Variants in KCNH5 observed in about 807,000 individuals in gnomAD.
The protein encoded by KCNH5 is potassium voltage-gated channel subfamily H member 5, also known as voltage-gated delayed rectifier potassium channel KCNH5.
Under a neutral mutation model 96.1 loss-of-function variants are expected in KCNH5, and 46 were observed. That is an observed-to-expected ratio of 0.48 (90% CI 0.38 to 0.61). The LOEUF is 0.61. KCNH5 is among the 20% of genes least tolerant of loss of function. The pLI, the probability that KCNH5 is intolerant of heterozygous loss-of-function variation, is 0.00. For synonymous variants in KCNH5, 439 were observed against 449.8 expected, an observed-to-expected ratio of 0.98 and a Z score of 0.30; for missense variants, 907 against 1,225.8, an observed-to-expected ratio of 0.74 and a Z score of 3.88.
intron 4 of KCNH5, among the ~76,000 whole-genome samples, chr14:62,994,864 T>C (rs575717866): frequency 6.6e-6 from 1 of 152,242 alleles, no homozygotes; most frequent in South Asian, 2.1e-4. Flanking sequence ...GAATATAAAA[T>C]TCTTGGCATA....
intron 8 of KCNH5, among the ~76,000 whole-genome samples, chr14:62,844,175 CAT>C (rs1220106721): frequency 2.0e-5 from 3 of 151,346 alleles, no homozygotes; most frequent in Non-Finnish European, 2.9e-5. Flanking sequence ...TATTATAAAA[CAT>C]ATGAAACAAA....
intron 10 of KCNH5, among the ~76,000 whole-genome samples, chr14:62,774,989 A>G (rs1886066187): frequency 6.6e-6 from 1 of 152,220 alleles, no homozygotes; most frequent in Non-Finnish European, 1.5e-5. Context: ...AAATCCTATC[A>G]AAATATTTTC....
chr14:62,946,744 A>C (rs892778787), intron 7 of KCNH5, among the ~76,000 whole-genome samples: 2 of 152,198 alleles, frequency 1.3e-5, no homozygotes, highest in African/African-American at 4.8e-5. Flanking sequence ...AGCAATAAAA[A>C]AGAACAAATT....
chr14:62,712,498 C>A, intron 10 of KCNH5: 1 of 623,306 alleles, frequency 1.6e-6, no homozygotes, highest in Non-Finnish European at 2.9e-6. Flanking sequence ...AAGTGGTTTC[C>A]CTTAGGTCAC....
chr14:63,042,733 A>G (rs917588840), intron 1 of KCNH5, among the ~76,000 whole-genome samples: 2 of 152,206 alleles, frequency 1.3e-5, no homozygotes, highest in East Asian at 1.9e-4. Context: ...CTGCCAAATC[A>G]TATAGAAATG....
At chr14:62,863,503 C>A (rs1196198475) in intron 7 of KCNH5, among the ~76,000 whole-genome samples, 2 of 152,090 alleles carry the variant, frequency 1.3e-5, no homozygotes. Flanking sequence ...TGAAACCTGG[C>A]AGTTTATGAA....
chr14:62,719,455 G>A (rs920857586), intron 10 of KCNH5, among the ~76,000 whole-genome samples: 1 of 152,218 alleles, frequency 6.6e-6, no homozygotes, highest in Non-Finnish European at 1.5e-5. Flanking sequence ...AACTTCAGCC[G>A]AATTAAATTG....
chr14:62,922,640 G>A (rs1482248844), intron 7 of KCNH5, among the ~76,000 whole-genome samples: 1 of 151,876 alleles, frequency 6.6e-6, no homozygotes, highest in Non-Finnish European at 1.5e-5. Context: ...AGGATGCCAG[G>A]ATGGTTCAAC....
At chr14:62,800,461 A>C (rs955000704) in intron 9 of KCNH5, among the ~76,000 whole-genome samples, 2 of 152,168 alleles carry the variant, frequency 1.3e-5, no homozygotes, top group African/African-American at 4.8e-5. Context: ...CACTGTACCC[A>C]GGACTTTCTC....
chr14:62,754,981 T>A (rs1224356251), intron 10 of KCNH5, among the ~76,000 whole-genome samples: 1 of 94,784 alleles, frequency 1.1e-5, no homozygotes, highest in Non-Finnish European at 2.5e-5. Flanking sequence ...AAAGAAGGTT[T>A]ATAAGTGCCT....
intron 7 of KCNH5, among the ~76,000 whole-genome samples, chr14:62,853,494 A>ATATATATATATAT (rs375695583): frequency 2.0e-5 from 2 of 102,070 alleles, no homozygotes; most frequent in Non-Finnish European, 4.2e-5. Flanking sequence ...ATATATATAT[A>ATATATATATATAT]ATCTTGGCCA....
chr14:62,721,495 A>ACTCT (rs1481680232), intron 10 of KCNH5, among the ~76,000 whole-genome samples: 1 of 60,424 alleles, frequency 1.7e-5, no homozygotes, highest in East Asian at 5.9e-4. Flanking sequence ...TCTCTCACTC[A>ACTCT]CTCGCTCTCT....
At chr14:63,004,476 G>C (rs2139595584) in intron 3 of KCNH5, among the ~76,000 whole-genome samples, 1 of 152,288 alleles carries the variant, frequency 6.6e-6, no homozygotes, top group East Asian at 1.9e-4. Flanking sequence ...ACAATGATCA[G>C]ATAATAATTT....
chr14:62,820,800 T>A (rs575186432), intron 8 of KCNH5, among the ~76,000 whole-genome samples: 1 of 152,306 alleles, frequency 6.6e-6, no homozygotes, highest in South Asian at 2.1e-4. Context: ...AATGAACATA[T>A]ACATGCATGT....
chr14:62,968,460 A>T (rs923685040), intron 6 of KCNH5, among the ~76,000 whole-genome samples: 1 of 152,154 alleles, frequency 6.6e-6, no homozygotes, highest in Non-Finnish European at 1.5e-5. Context: ...ATCCTTAAAC[A>T]TGTATGGAAA....
chr14:62,864,907 C>T (rs1888104177), intron 7 of KCNH5, among the ~76,000 whole-genome samples: 1 of 152,120 alleles, frequency 6.6e-6, no homozygotes, highest in Non-Finnish European at 1.5e-5. Context: ...GGAGCAGGTC[C>T]TGGCATTGGG....
intron 7 of KCNH5, among the ~76,000 whole-genome samples, chr14:62,874,653 A>C (rs1328154517): frequency 2.6e-5 from 4 of 151,520 alleles, no homozygotes; most frequent in Non-Finnish European, 5.9e-5. Context: ...CTTCATGCTA[A>C]AAACTCTCAA....
chr14:62,781,190 A>G (rs12433551), intron 9 of KCNH5, among the ~76,000 whole-genome samples: 80,393 of 151,906 alleles, frequency 0.53, 21,581 homozygotes, highest in South Asian at 0.78. Flanking sequence ...CCCACAAGCC[A>G]CAAAAACCAG....
intron 1 of KCNH5, among the ~76,000 whole-genome samples, chr14:63,020,074 T>C (rs892123687): frequency 1.1e-4 from 16 of 152,082 alleles, no homozygotes; most frequent in Non-Finnish European, 1.8e-4. Context: ...AAGAACAAGA[T>C]GCTTACAATC....
Sources: allele counts gnomAD v4.1 joint callset (sites outside exome capture counted in the v4.1 genomes callset), GRCh38; gene constraint gnomAD v4.1.1; transcripts MANE v1.5; gene names NCBI Gene and HGNC (gene_info 2026-07-23, HGNC 2026-07-21).